The following GALNT17 variants were observed in gnomAD, a reference collection of about 807,000 sequenced individuals.
GALNT17 encodes UDP-GalNAc:polypeptide N-acetylgalactosaminyltransferase-like 3.
GALNT17 carries 29 observed loss-of-function variants against 63.7 expected under a neutral mutation model. That is an observed-to-expected ratio of 0.46 (90% CI 0.34 to 0.62). GALNT17 has a LOEUF of 0.62. GALNT17 is among the 20% of genes least tolerant of loss of function. The probability of loss-of-function intolerance (pLI) is 0.01; values close to 1 mark genes in which losing one functional copy is unlikely to be tolerated. For missense variants in GALNT17, 603 were observed against 799.6 expected, an observed-to-expected ratio of 0.75 and a Z score of 2.97; for synonymous variants, 305 against 318.3, an observed-to-expected ratio of 0.96 and a Z score of 0.45.
intron 7 of GALNT17, among the ~76,000 whole-genome samples, chr7:71,666,507 G>A (rs1055207253): frequency 7.3e-5 from 11 of 151,712 alleles, no homozygotes; most frequent in South Asian, 2.1e-4. Flanking sequence ...ACCGTCACCC[G>A]ATCAGTATAC....
chr7:71,395,843 T>C (rs1302798938), intron 3 of GALNT17, among the ~76,000 whole-genome samples: 1 of 152,218 alleles, frequency 6.6e-6, no homozygotes, highest in Admixed American at 6.5e-5. Flanking sequence ...CCCTAATGAC[T>C]AATTATTTTG....
chr7:71,222,289 C>T (rs1237795710), intron 1 of GALNT17, among the ~76,000 whole-genome samples: 1 of 151,972 alleles, frequency 6.6e-6, no homozygotes, highest in East Asian at 1.9e-4. Flanking sequence ...TATTGTAGTT[C>T]ATTGTTAGGG....
chr7:71,202,774 G>A (rs1034877924), intron 1 of GALNT17, among the ~76,000 whole-genome samples: 3 of 152,118 alleles, frequency 2.0e-5, no homozygotes, highest in Non-Finnish European at 4.4e-5. Flanking sequence ...AAACCCCACG[G>A]CCACTGCCAC....
chr7:71,182,941 T>C (rs1052666601), intron 1 of GALNT17, among the ~76,000 whole-genome samples: 5 of 152,330 alleles, frequency 3.3e-5, no homozygotes, highest in African/African-American at 1.2e-4. Context: ...TTTTCAGGCT[T>C]TGCAAGCTGG....
chr7:71,224,355 C>G (rs769864792), intron 1 of GALNT17, among the ~76,000 whole-genome samples: 5 of 152,192 alleles, frequency 3.3e-5, no homozygotes, highest in Non-Finnish European at 7.3e-5. Flanking sequence ...TACATTCTTC[C>G]TAAACTTTTT....
intron 1 of GALNT17, among the ~76,000 whole-genome samples, chr7:71,297,911 G>T (rs1028471054): frequency 7.9e-5 from 12 of 152,212 alleles, no homozygotes; most frequent in Non-Finnish European, 1.5e-4. Context: ...GGGGAGAATT[G>T]CCTGGAAAGA....
chr7:71,292,971 T>G (rs1239787658), intron 1 of GALNT17, among the ~76,000 whole-genome samples: 1 of 152,138 alleles, frequency 6.6e-6, no homozygotes, highest in Non-Finnish European at 1.5e-5. Context: ...CTCAGTCACT[T>G]CATTTAGCGT....
chr7:71,428,729 G>A (rs952172712), intron 5 of GALNT17, among the ~76,000 whole-genome samples: 6 of 152,108 alleles, frequency 3.9e-5, no homozygotes, highest in African/African-American at 1.2e-4. Flanking sequence ...GAGCCACTGC[G>A]CCCGGCTGAC....
intron 5 of GALNT17, among the ~76,000 whole-genome samples, chr7:71,471,399 C>CAAAAA (rs35529889): frequency 2.2e-5 from 2 of 89,596 alleles, no homozygotes; most frequent in Non-Finnish European, 4.7e-5. Context: ...TTTTTTTTTC[C>CAAAAA]AAAAAAAAAA....
intron 6 of GALNT17, among the ~76,000 whole-genome samples, chr7:71,573,064 A>G (rs1789476775): frequency 6.6e-6 from 1 of 151,286 alleles, no homozygotes. Flanking sequence ...GGCTGGGTGC[A>G]GTGGTGTGAT....
chr7:71,318,444 A>G (rs1048477681), intron 1 of GALNT17, among the ~76,000 whole-genome samples: 3 of 123,274 alleles, frequency 2.4e-5, no homozygotes, highest in Admixed American at 9.4e-5. Context: ...GGGGTGGGAT[A>G]TAGTCTTGCT....
In GALNT17 at chr7:71,704,885, A is replaced by C. The variant is rs567448350; in HGVS notation, c.1501-5876A>C. Among the ~76,000 whole-genome samples, 8 of 152,338 alleles carry C rather than the reference A, an allele frequency of 5.3e-5. No individual in the cohort carries two copies. The South Asian group carries it at 1.7e-3, about 32-fold the overall frequency. On this transcript the variant is annotated intron_variant, in intron 9 of 10. Transcript: ENST00000333538. Reference sequence around the variant, plus strand: ...AAATTCAAAGGGCATCAAAGACCTAAATATAAGAGATGAAACTATAAAATT... The same window carrying C: ...AAATTCAAAGGGCATCAAAGACCTACATATAAGAGATGAAACTATAAAATT...
At chr7:71,424,158 A>ATATTAAT (rs1243192800) in intron 5 of GALNT17, among the ~76,000 whole-genome samples, 4 of 152,278 alleles carry the variant, frequency 2.6e-5, no homozygotes, top group African/African-American at 9.6e-5. Flanking sequence ...TAATAGTGTA[A>ATATTAAT]GGTTAACTAA....
chr7:71,447,901 A>G (rs1313961246), intron 5 of GALNT17, among the ~76,000 whole-genome samples: 1 of 152,188 alleles, frequency 6.6e-6, no homozygotes, highest in Non-Finnish European at 1.5e-5. Context: ...CCAGGGTGCT[A>G]TGGCCTCATC....
At chr7:71,317,417 G>A (rs1473795792) in intron 1 of GALNT17, among the ~76,000 whole-genome samples, 1 of 152,198 alleles carries the variant, frequency 6.6e-6, no homozygotes, top group Non-Finnish European at 1.5e-5. Context: ...AAAGAGCAAT[G>A]CCTGATTAGA....
At chr7:71,141,700 A>G (rs1376786472) in intron 1 of GALNT17, among the ~76,000 whole-genome samples, 19 of 148,020 alleles carry the variant, frequency 1.3e-4, no homozygotes, top group African/African-American at 4.7e-4. Flanking sequence ...TTTTTGAAAC[A>G]GAGTCTCGCT....
chr7:71,549,770 T>C (rs1789046201), intron 5 of GALNT17, among the ~76,000 whole-genome samples: 1 of 151,942 alleles, frequency 6.6e-6, no homozygotes, highest in Admixed American at 6.6e-5. Flanking sequence ...TGGAAGAATT[T>C]TGGAGGAAAA....
intron 6 of GALNT17, among the ~76,000 whole-genome samples, chr7:71,649,915 G>T (rs988194300): frequency 2.6e-5 from 4 of 152,196 alleles, no homozygotes; most frequent in Non-Finnish European, 5.9e-5. Flanking sequence ...TCAGGAAGTT[G>T]CCAGTCAAGC....
At chr7:71,265,098 T>TTTTTTATATATATA (rs144493671) in intron 1 of GALNT17, among the ~76,000 whole-genome samples, 1 of 78,384 alleles carries the variant, frequency 1.3e-5, no homozygotes, top group Admixed American at 1.4e-4. Context: ...CCCATAAATA[T>TTTTTTATATATATA]TATATATATA....
Sources: gnomAD v4.1 joint callset for allele counts (sites outside exome capture counted in the v4.1 genomes callset) on GRCh38, gnomAD v4.1.1 for gene constraint, MANE v1.5 for transcripts, NCBI Gene and HGNC (gene_info 2026-07-23, HGNC 2026-07-21) for gene names.